LGI1: variants seen among roughly 807,000 people sequenced by gnomAD.
LGI1 encodes the protein leucine rich glioma inactivated 1.
In LGI1, 11 loss-of-function variants were observed where a neutral mutation model predicts 57.7. The observed-to-expected ratio is 0.19, with a 90% CI of 0.12 to 0.32. The LOEUF (loss-of-function observed/expected upper bound fraction) is 0.32. Among genes scored for constraint, LGI1 ranks in the 10% least tolerant of loss-of-function variants. The pLI, the probability that LGI1 is intolerant of heterozygous loss-of-function variation, is 1.00. For synonymous variants in LGI1, 222 were observed against 241.9 expected, an observed-to-expected ratio of 0.92 and a Z score of 0.76; for missense variants, 422 against 661.9, an observed-to-expected ratio of 0.64 and a Z score of 3.98.
At position 93,797,204 on chromosome 10, in the gene LGI1, A is replaced by G. The variant is rs148263562; in HGVS notation, c.1075A>G (p.Ile359Val). The change falls in exon 8 of 8, where the codon ATT becomes GTT. Residue 359 changes from isoleucine to valine, a missense_variant. This residue lies in a region of LGI1 where 301 missense variants were observed against 461.7 expected (regional missense o/e 0.65). Transcript: ENST00000371418. The surrounding 1 kb of genome is among the most constrained non-coding windows in gnomAD (Gnocchi z 6.5). ...CAGTTCAAAAGCTGGTTTTACTACC[A>G]TTTACAAATGGAACGGAAACGGATT... is the stretch of plus-strand genomic sequence containing the variant. ...ADSSKAGFTT[I>V]YKWNGNGFYS... 25 of 1,614,198 alleles carry G rather than the reference A, an allele frequency of 1.5e-5. No individual in the cohort carries two copies. In the Admixed American group the frequency reaches 2.3e-4, roughly 15 times the overall value.
intron 5 of LGI1, chr10:93,791,747 G>C (rs2059939480): frequency 6.6e-6 from 1 of 152,180 alleles, no homozygotes; most frequent in African/African-American, 2.4e-5. Context: ...TTGGTGAGTT[G>C]GGGTCATATG....
Position 93,780,374 on chromosome 10 carries a change from A to T in LGI1, c.431+2757A>T, listed in dbSNP as rs1427960022. The T allele has an allele frequency of 3.3e-5, 5 of 152,188 alleles. No homozygotes were observed. In the East Asian group the frequency reaches 9.6e-4, roughly 29 times the overall value. The allele number at this position is 152,188 out of a possible 1,614,324, so 9.4% of individuals were successfully genotyped here. ...TTCCATTATTTATGGCGTATTAATAAATCTGGCATTTGTCTGAGCCATTAG... is the reference window on the plus strand; with the variant it reads ...TTCCATTATTTATGGCGTATTAATATATCTGGCATTTGTCTGAGCCATTAG... On this transcript the variant is annotated intron_variant, in intron 4 of 7. Transcript: ENST00000371418.
chr10:93,772,015 A>G (rs1282024576), intron 2 of LGI1: 1 of 152,114 alleles, frequency 6.6e-6, no homozygotes, highest in Non-Finnish European at 1.5e-5. Flanking sequence ...GAAATAATAC[A>G]TAATAGGAGT....
chr10:93,777,308 G>T (rs1396366369), intron 2 of LGI1, 71 bp from the exon 3 acceptor site: 1 of 1,364,912 alleles, frequency 7.3e-7, no homozygotes, highest in Non-Finnish European at 1.0e-6. Context: ...TCATTTTTCT[G>T]AGAGATAAAA....
intron 2 of LGI1, chr10:93,765,165 C>T (rs2059661217): frequency 6.6e-6 from 1 of 152,160 alleles, no homozygotes; most frequent in Admixed American, 6.5e-5. Flanking sequence ...GTTTGAAACT[C>T]AGTTTGGCCA....
intron 4 of LGI1, among the ~76,000 whole-genome samples, chr10:93,783,740 G>A (rs1163556364): frequency 2.0e-5 from 3 of 152,294 alleles, no homozygotes; most frequent in Admixed American, 6.5e-5. Flanking sequence ...GGCTGTGTGC[G>A]GTGGCTCATG....
At chr10:93,791,618 G>A (rs1264509654) in intron 5 of LGI1, 1 of 152,100 alleles carries the variant, frequency 6.6e-6, no homozygotes, top group Non-Finnish European at 1.5e-5. Context: ...AAATGTTTGG[G>A]CGTTTAAAAA....
chr10:93,768,667 A>G (rs1008531649), intron 2 of LGI1: 9 of 152,200 alleles, frequency 5.9e-5, no homozygotes, highest in African/African-American at 2.2e-4. Context: ...CCACTCCAAA[A>G]GGAGAGGGTC....
chr10:93,764,325 A>G (rs1046420106), intron 2 of LGI1: 1 of 152,226 alleles, frequency 6.6e-6, no homozygotes, highest in Non-Finnish European at 1.5e-5. Context: ...GCCTCAAACA[A>G]TCCTCCCACC....
At chr10:93,792,946 T>C in intron 6 of LGI1, 34 bp downstream of exon 6, 1 of 1,600,668 alleles carries the variant, frequency 6.2e-7, no homozygotes, top group South Asian at 1.1e-5. Flanking sequence ...CCTCAAAAAA[T>C]TAAAATAAGG....
At chr10:93,787,863 C>T (rs1457609950) in intron 4 of LGI1, among the ~76,000 whole-genome samples, 1 of 148,238 alleles carries the variant, frequency 6.7e-6, no homozygotes, top group Non-Finnish European at 1.5e-5. Flanking sequence ...GCTGTAATTG[C>T]ACCACTATAT....
intron 4 of LGI1, among the ~76,000 whole-genome samples, chr10:93,785,028 C>T (rs114747519): frequency 0.016 from 2,420 of 152,204 alleles, 58 homozygotes; most frequent in African/African-American, 0.055. Flanking sequence ...AATTTTTGCA[C>T]TTTCCAACTT....
At chr10:93,779,693 A>G (rs2059829779) in intron 4 of LGI1, among the ~76,000 whole-genome samples, 1 of 152,160 alleles carries the variant, frequency 6.6e-6, no homozygotes, top group Admixed American at 6.5e-5. Context: ...CTTTAGCAGT[A>G]TGGAGCCTGT....
At chr10:93,792,646 G>A (rs373686865) in intron 5 of LGI1, 97 bp from the exon 6 acceptor site, 1 of 1,289,206 alleles carries the variant, frequency 7.8e-7, no homozygotes. Context: ...GCAACGCCGG[G>A]TAAGGTCATT....
chr10:93,790,846 C>T (rs993343917), intron 5 of LGI1: 10 of 152,218 alleles, frequency 6.6e-5, no homozygotes, highest in African/African-American at 2.4e-4. Flanking sequence ...GCCTAAACTT[C>T]TCAAAAGCAA....
intron 2 of LGI1, among the ~76,000 whole-genome samples, chr10:93,775,405 G>A (rs2059784300): frequency 6.6e-6 from 1 of 152,182 alleles, no homozygotes; most frequent in Non-Finnish European, 1.5e-5. Flanking sequence ...AGAGGTTTTA[G>A]TCCTTGAAAT....
In LGI1 at chr10:93,797,761, T is replaced by C; in HGVS notation, c.1632T>C (p.Asn544=). ...TTTTTGCTTCCAGTTTTAAGGGAAA[T>C]ACACAGATTTACAAACATGTCATAG... The part of the protein sequence containing the change: ...NFLFASSFKG[N]TQIYKHVIVD... The change falls in exon 8 of 8, where the codon AAT becomes AAC. Residue 544 remains asparagine, a synonymous_variant. Coordinates refer to ENST00000371418, the MANE Select transcript of LGI1 (RefSeq NM_005097.4). The surrounding 1 kb of genome is among the most constrained non-coding windows in gnomAD (Gnocchi z 6.5). 1.9e-6 allele frequency: 3 copies of C among 1,605,534 alleles called. No individual in the cohort carries two copies. The African/African-American group carries it at 4.0e-5, about 21-fold the overall frequency.
chr10:93,771,386 G>T (rs1166698678), intron 2 of LGI1: 1 of 152,172 alleles, frequency 6.6e-6, no homozygotes. Context: ...AACATGGATG[G>T]GTTGGAGGCC....
In LGI1 at chr10:93,797,894, C is replaced by A; in HGVS notation, c.*91C>A. 1.1e-6 allele frequency: 1 copy of A among 876,546 alleles called. No individual in the cohort carries two copies. Among genetic ancestry groups the A allele is most frequent in the Non-Finnish European group, 1.9e-6 (1 of 525,600 alleles). The allele number at this position is 876,546 out of a possible 1,614,324, so 54.3% of individuals were successfully genotyped here. ...ATGATGACTCTTCTTATCACACTTG[C>A]AAATGAATGCCTTTCAAACATTGAG... is the stretch of plus-strand genomic sequence containing the variant. On this transcript the variant is annotated 3_prime_UTR_variant, in exon 8 of 8. Coordinates refer to ENST00000371418, the MANE Select transcript of LGI1 (RefSeq NM_005097.4). The surrounding 1 kb of genome is among the most constrained non-coding windows in gnomAD (Gnocchi z 6.5).
Sources: gnomAD v4.1 joint callset for allele counts (sites outside exome capture counted in the v4.1 genomes callset) on GRCh38, gnomAD v4.1.1 for gene constraint, gnomAD v4.1.1 regional missense constraint, Gnocchi (gnomAD v3.1) non-coding constraint, MANE v1.5 for transcripts, NCBI Gene and HGNC (gene_info 2026-07-23, HGNC 2026-07-21) for gene names.